Variants in MTHFS observed in about 807,000 individuals in gnomAD.
MTHFS encodes the protein methenyltetrahydrofolate synthetase, also known as 5-formyltetrahydrofolate cyclo-ligase.
A neutral mutation model predicts 12.7 loss-of-function variants in MTHFS; 7 were observed. The observed-to-expected ratio is 0.55, with a 90% confidence interval of 0.31 to 1.03. MTHFS has a LOEUF of 1.03. MTHFS is among the 50% of genes least tolerant of loss of function. MTHFS has a pLI of 0.05. For missense variants in MTHFS, 252 were observed against 258.1 expected (o/e 0.98, Z 0.16); for synonymous variants, 100 against 97.1 (o/e 1.03, Z -0.18).
At chr15:79,888,465 A>C (rs1428919625) in intron 2 of MTHFS, among the ~76,000 whole-genome samples, 1 of 152,254 alleles carries the variant, frequency 6.6e-6, no homozygotes, top group Non-Finnish European at 1.5e-5. Flanking sequence ...ATAAAGAGGA[A>C]GGAGAGGATG....
chr15:79,844,878 T>C lies in MTHFS; in HGVS notation c.*332A>G. 3.2e-6 allele frequency: 1 copy of C among 307,710 alleles called. No individual in the cohort carries two copies. The highest frequency in any genetic ancestry group is 6.1e-6 in the Non-Finnish European group (1 of 163,420). 19.1% of individuals were successfully genotyped at this position (307,710 alleles called of 1,614,324 possible). A position where few individuals can be genotyped will look rare whatever the true frequency, so the allele number is the denominator to read the frequency against. ...AATACAGTGCCCACTCCCGCAAGTT[T>C]ACCTTCCTCTCGCACTCAGTCGGAG... On this transcript the variant is annotated 3_prime_UTR_variant, in exon 3 of 3. Transcript: ENST00000258874.
At chr15:79,880,346 C>G (rs113966803) in intron 2 of MTHFS, among the ~76,000 whole-genome samples, 1 of 152,158 alleles carries the variant, frequency 6.6e-6, no homozygotes, top group African/African-American at 2.4e-5. Flanking sequence ...TCCTGAAGTG[C>G]TGGGATTACA....
chr15:79,844,779 C>T lies in MTHFS; in HGVS notation c.*431G>A, dbSNP rs2033579455. Among the ~76,000 whole-genome samples, 1 of 152,136 alleles carries T rather than the reference C, an allele frequency of 6.6e-6. No individual in the cohort carries two copies. The highest frequency in any genetic ancestry group is 6.5e-5 in the Admixed American group (1 of 15,274). ...GGGAATTCTGTATCCAAAGCAAATACCAACAAATAAATTAATAGTCCCCAA... is the reference window on the plus strand; with the variant it reads ...GGGAATTCTGTATCCAAAGCAAATATCAACAAATAAATTAATAGTCCCCAA... On this transcript the variant is annotated 3_prime_UTR_variant, in exon 3 of 3. Transcript: ENST00000258874.
chr15:79,870,320 A>G (rs980558525), intron 2 of MTHFS, among the ~76,000 whole-genome samples: 3 of 152,220 alleles, frequency 2.0e-5, no homozygotes, highest in African/African-American at 7.2e-5. Context: ...GGTACCGTCT[A>G]TGGTTTCTTT....
At chr15:79,860,627 T>C (rs998645384) in intron 2 of MTHFS, among the ~76,000 whole-genome samples, 2 of 151,844 alleles carry the variant, frequency 1.3e-5, no homozygotes, top group Non-Finnish European at 2.9e-5. Flanking sequence ...GTAGTGTATT[T>C]TAACCATTAT....
intron 2 of MTHFS, among the ~76,000 whole-genome samples, chr15:79,885,291 T>C (rs538191136): frequency 1.3e-5 from 2 of 152,342 alleles, no homozygotes; most frequent in African/African-American, 2.4e-5. Flanking sequence ...CATTAAGTTA[T>C]GGCTCAGGTA....
In MTHFS at chr15:79,847,972, A is replaced by AT. The variant is rs538499777; in HGVS notation, c.380-2531_380-2530insA. 2.0e-3 allele frequency among the ~76,000 whole-genome samples: 301 copies of AT among 152,344 alleles called. 1 individual carries two copies. Among genetic ancestry groups the AT allele is most frequent in the South Asian group, 0.014 (68 of 4,830 alleles). ...TCCTCAACAAATTAAAAGTAGAACT[A>AT]CCATATGGCCCAGCAATCCCACTTC... On this transcript the variant is annotated intron_variant, in intron 2 of 2. Transcript: ENST00000258874.
At chr15:79,846,520 A>T (rs760053045) in intron 2 of MTHFS, among the ~76,000 whole-genome samples, 1 of 152,188 alleles carries the variant, frequency 6.6e-6, no homozygotes, top group African/African-American at 2.4e-5. Context: ...AGCCCCCACT[A>T]TCAGCAGATA....
chr15:79,858,272 A>G (rs2033847488), intron 2 of MTHFS, among the ~76,000 whole-genome samples: 1 of 152,192 alleles, frequency 6.6e-6, no homozygotes, highest in Non-Finnish European at 1.5e-5. Flanking sequence ...AGATTATTAA[A>G]TAATAGTAAT....
chr15:79,878,142 A>G (rs548379312), intron 2 of MTHFS: 1 of 152,264 alleles, frequency 6.6e-6, no homozygotes, highest in African/African-American at 2.4e-5. Flanking sequence ...ATTCCTTTTT[A>G]AAACATAAGA....
At chr15:79,866,316 T>C (rs1370350144) in intron 2 of MTHFS, among the ~76,000 whole-genome samples, 4 of 152,214 alleles carry the variant, frequency 2.6e-5, no homozygotes, top group Non-Finnish European at 4.4e-5. Flanking sequence ...TATTTACCTG[T>C]ACATTATTTG....
intron 2 of MTHFS, among the ~76,000 whole-genome samples, chr15:79,874,563 A>G (rs1204850486): frequency 6.6e-6 from 1 of 152,162 alleles, no homozygotes; most frequent in Non-Finnish European, 1.5e-5. Flanking sequence ...AAAAAGCCCT[A>G]GCCCTAGGAC....
chr15:79,865,986 C>T (rs2034003108), intron 2 of MTHFS, among the ~76,000 whole-genome samples: 1 of 152,110 alleles, frequency 6.6e-6, no homozygotes, highest in African/African-American at 2.4e-5. Context: ...GCAGGCAAAC[C>T]TAAACCTCTT....
At chr15:79,894,493 T>C (rs780567775) in intron 1 of MTHFS, among the ~76,000 whole-genome samples, 4 of 152,250 alleles carry the variant, frequency 2.6e-5, no homozygotes, top group Admixed American at 6.5e-5. Context: ...CTGAGGGTCA[T>C]GGGTCTGCTT....
intron 1 of MTHFS, among the ~76,000 whole-genome samples, chr15:79,893,596 GC>G (rs776701471): frequency 5.0e-4 from 75 of 151,512 alleles, no homozygotes; most frequent in Non-Finnish European, 6.9e-4. Flanking sequence ...TACTTGTGAA[GC>G]TGAGACAGGA....
intron 2 of MTHFS, among the ~76,000 whole-genome samples, chr15:79,847,576 C>T (rs971968101): frequency 5.5e-5 from 8 of 146,648 alleles, no homozygotes; most frequent in African/African-American, 2.0e-4. Flanking sequence ...CCCAGCTACT[C>T]GGGAGGCTGA....
Position 79,883,409 on chromosome 15 carries a change from A to G in MTHFS, c.379+5684T>C, listed in dbSNP as rs529961940. Among the ~76,000 whole-genome samples, 7 of 152,344 alleles carry G rather than the reference A, an allele frequency of 4.6e-5. No homozygotes were observed. The East Asian group carries it at 1.2e-3, about 25-fold the overall frequency. Reference sequence around the variant, plus strand: ...GAAACTTTTACTGAAAGTCTACAACATAAACCATATGACTAGGTACCAGGG... The same window carrying G: ...GAAACTTTTACTGAAAGTCTACAACGTAAACCATATGACTAGGTACCAGGG... On this transcript the variant is annotated intron_variant, in intron 2 of 2. Transcript: ENST00000258874.
intron 1 of MTHFS, among the ~76,000 whole-genome samples, chr15:79,896,268 G>T (rs143670408): frequency 1.3e-5 from 2 of 152,210 alleles, no homozygotes; most frequent in Non-Finnish European, 2.9e-5. Context: ...GAAAAGCCTA[G>T]GCCCTGGAGC....
chr15:79,893,146 T>C (rs1224821508), intron 1 of MTHFS, among the ~76,000 whole-genome samples: 2 of 152,220 alleles, frequency 1.3e-5, no homozygotes, highest in Non-Finnish European at 2.9e-5. Flanking sequence ...GGCTCATGCC[T>C]GTAATCCCAG....
Sources: gnomAD v4.1 joint callset for allele counts (sites outside exome capture counted in the v4.1 genomes callset) on GRCh38, gnomAD v4.1.1 for gene constraint, MANE v1.5 for transcripts, NCBI Gene and HGNC (gene_info 2026-07-23, HGNC 2026-07-21) for gene names.